The following WWOX variants were observed in gnomAD, a reference collection of about 807,000 sequenced individuals.
WWOX encodes WW domain-containing oxidoreductase.
WWOX carries 69 observed loss-of-function variants against 46.2 expected under a neutral mutation model. The ratio of observed to expected loss-of-function variants is 1.49; its 90% CI spans 1.23 to 1.82. WWOX has a LOEUF of 1.82. Ranked by LOEUF, WWOX falls within the 40% of genes most tolerant of loss-of-function variation. The pLI is 0.00. For missense variants in WWOX, 919 were observed against 542.6 expected, an observed-to-expected ratio of 1.69 and a Z score of -6.89; for synonymous variants, 359 against 202.6, an observed-to-expected ratio of 1.77 and a Z score of -6.56.
chr16:78,370,214 A>G (rs900234927), intron 5 of WWOX, among the ~76,000 whole-genome samples: 1 of 151,362 alleles, frequency 6.6e-6, no homozygotes, highest in Admixed American at 6.6e-5. Flanking sequence ...AAAGATTGTA[A>G]ACTCTCTTTA....
At chr16:78,937,479 G>T (rs1283173705) in intron 8 of WWOX, among the ~76,000 whole-genome samples, 3 of 76,546 alleles carry the variant, frequency 3.9e-5, no homozygotes, top group South Asian at 3.4e-4. Context: ...TTTTTTAATA[G>T]CGATGGGGTT....
intron 8 of WWOX, among the ~76,000 whole-genome samples, chr16:78,798,771 C>G (rs1047973995): frequency 2.2e-4 from 33 of 152,050 alleles, no homozygotes; most frequent in Admixed American, 1.0e-3. Flanking sequence ...CTACTATTAA[C>G]ATAAAGTAAT....
intron 8 of WWOX, among the ~76,000 whole-genome samples, chr16:79,201,343 C>CTTTT (rs5818210): frequency 7.0e-6 from 1 of 143,616 alleles, no homozygotes; most frequent in African/African-American, 2.6e-5. Flanking sequence ...TTTTTCTTTT[C>CTTTT]TTTTTTTTTT....
chr16:79,030,163 TC>T (rs1328197089), intron 8 of WWOX, among the ~76,000 whole-genome samples: 1 of 152,250 alleles, frequency 6.6e-6, no homozygotes, highest in Non-Finnish European at 1.5e-5. Context: ...AGTCTAATTT[TC>T]CGTTATCATA....
At chr16:78,930,685 A>G (rs541551480) in intron 8 of WWOX, among the ~76,000 whole-genome samples, 1 of 151,766 alleles carries the variant, frequency 6.6e-6, no homozygotes, top group South Asian at 2.1e-4. Context: ...TATTGAGTAA[A>G]TGTATCAAGG....
At chr16:79,151,212 T>G (rs1289696274) in intron 8 of WWOX, among the ~76,000 whole-genome samples, 1 of 152,226 alleles carries the variant, frequency 6.6e-6, no homozygotes, top group African/African-American at 2.4e-5. Flanking sequence ...CAGCCAGCTA[T>G]TCTGATCATT....
At chr16:78,646,669 C>T (rs1208811303) in intron 8 of WWOX, among the ~76,000 whole-genome samples, 1 of 152,174 alleles carries the variant, frequency 6.6e-6, no homozygotes, top group Non-Finnish European at 1.5e-5. Context: ...CTCAGGTGAT[C>T]CGCCCTACTG....
chr16:78,122,691 G>C lies in WWOX; in HGVS notation c.409+7537G>C, dbSNP rs190999618. ...GTGATCTCAGCTCACTGCAACCTCC[G>C]CCTCCCGGGTTGAAGTGATTCTCCT... On this transcript the variant is annotated intron_variant, in intron 4 of 8. Coordinates refer to ENST00000566780, the MANE Select transcript of WWOX (RefSeq NM_016373.4). Among the ~76,000 whole-genome samples, 21 of 150,998 alleles carry C rather than the reference G, an allele frequency of 1.4e-4. 1 individual carries two copies. Among genetic ancestry groups the C allele is most frequent in the African/African-American group, 4.9e-4 (20 of 41,072 alleles).
chr16:78,811,345 T>A (rs986083602), intron 8 of WWOX, among the ~76,000 whole-genome samples: 1 of 152,180 alleles, frequency 6.6e-6, no homozygotes, highest in African/African-American at 2.4e-5. Context: ...TTATATCTAC[T>A]AGTATATTTA....
rs560701717 is a variant in WWOX, at chr16:78,377,034, C to G, written c.517-9826C>G. ...TCTGTGTTTGGAGCTACACGTCTTT[C>G]TGAATCGAGGAGGTGGGGCACTGAT... On this transcript the variant is annotated intron_variant, in intron 5 of 8. Coordinates refer to ENST00000566780, the MANE Select transcript of WWOX (RefSeq NM_016373.4). 2.6e-5 allele frequency among the ~76,000 whole-genome samples: 4 copies of G among 152,350 alleles called. No homozygotes were observed. In the East Asian group the frequency reaches 7.7e-4, roughly 29 times the overall value.
chr16:78,844,371 T>C (rs60685134), intron 8 of WWOX, among the ~76,000 whole-genome samples: 2,499 of 152,302 alleles, frequency 0.016, 70 homozygotes, highest in African/African-American at 0.057. Context: ...ATGCCTGGGA[T>C]GGGAAATAAA....
intron 5 of WWOX, among the ~76,000 whole-genome samples, chr16:78,275,582 A>G (rs28578031): frequency 0.26 from 40,133 of 152,102 alleles, 6,763 homozygotes; most frequent in East Asian, 0.57. Flanking sequence ...AAAGAATAGC[A>G]CAGACAAAAG....
chr16:78,289,846 G>A (rs2079830761), intron 5 of WWOX, among the ~76,000 whole-genome samples: 1 of 150,068 alleles, frequency 6.7e-6, no homozygotes, highest in East Asian at 2.0e-4. Context: ...AGGTGTTTTT[G>A]TAAAGGTTTT....
intron 8 of WWOX, among the ~76,000 whole-genome samples, chr16:78,850,829 C>G (rs550649512): frequency 6.6e-6 from 1 of 152,120 alleles, no homozygotes; most frequent in Non-Finnish European, 1.5e-5. Flanking sequence ...CTAATGAGTT[C>G]TTAGTGTCTA....
intron 8 of WWOX, among the ~76,000 whole-genome samples, chr16:78,577,431 C>T (rs756064358): frequency 2.0e-5 from 3 of 152,130 alleles, no homozygotes; most frequent in Non-Finnish European, 4.4e-5. Context: ...GTGCCCTGAC[C>T]ACGAGCAAAT....
At chr16:78,970,518 T>C (rs1373152715) in intron 8 of WWOX, among the ~76,000 whole-genome samples, 1 of 152,196 alleles carries the variant, frequency 6.6e-6, no homozygotes, top group South Asian at 2.1e-4. Context: ...CAAGGCATTG[T>C]GTTTGAGCTA....
intron 8 of WWOX, among the ~76,000 whole-genome samples, chr16:78,735,564 A>C (rs932488843): frequency 6.6e-5 from 10 of 152,200 alleles, no homozygotes; most frequent in African/African-American, 2.4e-4. Flanking sequence ...AGATGCTCAG[A>C]GCATACCTGC....
chr16:78,320,356 C>T (rs562540294), intron 5 of WWOX, among the ~76,000 whole-genome samples: 1 of 152,162 alleles, frequency 6.6e-6, no homozygotes, highest in Non-Finnish European at 1.5e-5. Flanking sequence ...GGTTCAGATT[C>T]TGTATCTGGG....
chr16:78,755,302 G>C (rs2049614922), intron 8 of WWOX, among the ~76,000 whole-genome samples: 1 of 151,968 alleles, frequency 6.6e-6, no homozygotes. Flanking sequence ...TTTAATTCCA[G>C]GAATTGGAGA....
Sources: allele counts gnomAD v4.1 joint callset (sites outside exome capture counted in the v4.1 genomes callset), GRCh38; gene constraint gnomAD v4.1.1; transcripts MANE v1.5; gene names NCBI Gene and HGNC (gene_info 2026-07-23, HGNC 2026-07-21).